Variants in APP observed in about 807,000 individuals in gnomAD.
APP encodes the protein amyloid-beta precursor protein.
A neutral mutation model predicts 101.4 loss-of-function variants in APP; 31 were observed. The ratio of observed to expected loss-of-function variants is 0.31; its 90% CI spans 0.23 to 0.41. The LOEUF (loss-of-function observed/expected upper bound fraction) is 0.41. Among genes scored for constraint, APP ranks in the 10% least tolerant of loss-of-function variants. The pLI, the probability that APP is intolerant of heterozygous loss-of-function variation, is 1.00. For missense variants in APP, 839 were observed against 1,003.7 expected (o/e 0.84, Z 2.22); for synonymous variants, 366 against 364.4 (o/e 1.00, Z -0.05).
At chr21:25,903,368 C>CAA (rs937462787) in intron 15 of APP, among the ~76,000 whole-genome samples, 1,828 of 68,484 alleles carry the variant, frequency 0.027, 49 homozygotes, top group African/African-American at 0.073. Flanking sequence ...GACTCCATCT[C>CAA]AAAAAAAAAA....
In APP at chr21:25,924,718, T is replaced by G. The variant is rs182723800; in HGVS notation, c.1688-12756A>C. 3.8e-3 allele frequency among the ~76,000 whole-genome samples: 574 copies of G among 151,696 alleles called. 4 individuals are homozygous for G. The highest frequency in any genetic ancestry group is 0.013 in the African/African-American group (547 of 41,324). ...GGGTGCAGCAAACCACCAAGGCACATGTATACCTATGTAACAAACCTGCAT... is the reference window on the plus strand; with the variant it reads ...GGGTGCAGCAAACCACCAAGGCACAGGTATACCTATGTAACAAACCTGCAT... On this transcript the variant is annotated intron_variant, in intron 13 of 17. Transcript: ENST00000346798.
chr21:25,990,857 G>A (rs1443791590), intron 8 of APP, among the ~76,000 whole-genome samples: 1 of 152,122 alleles, frequency 6.6e-6, no homozygotes, highest in Non-Finnish European at 1.5e-5. Flanking sequence ...ACCTGGCCTC[G>A]CACATCCTGG....
chr21:26,050,957 G>A (rs759069052), intron 5 of APP, 43 bp downstream of exon 5: 2 of 1,596,862 alleles, frequency 1.3e-6, no homozygotes, highest in Non-Finnish European at 1.7e-6. Flanking sequence ...CTCCATACAA[G>A]ATGTTTCAGC....
At chr21:25,897,532 A>C in intron 16 of APP, 41 bp downstream of exon 16, 2 of 1,472,990 alleles carry the variant, frequency 1.4e-6, no homozygotes, top group Non-Finnish European at 1.9e-6. Flanking sequence ...GTCATTTGGC[A>C]AGACAAACAG....
Position 26,111,087 on chromosome 21 carries a change from T to TAAAAAAAAAAAAAAAAA in APP, c.225+875_225+891dup, listed in dbSNP as rs576900084. On this transcript the variant is annotated intron_variant, in intron 2 of 17. Transcript: ENST00000346798. ...TGATTTCCAGGATACAAAGTTAAGT[T>TAAAAAAAAAAAAAAAAA]AAAAAAAAAAAAAAAAAAAAAAGCA... 4.5e-5 allele frequency among the ~76,000 whole-genome samples: 4 copies of TAAAAAAAAAAAAAAAAA among 88,482 alleles called. 1 individual carries two copies. The highest frequency in any genetic ancestry group is 4.9e-5 in the African/African-American group (1 of 20,586). 58.0% of individuals were successfully genotyped at this position (88,482 alleles called of 152,430 possible).
chr21:26,005,924 T>C (rs1345324314), intron 6 of APP, among the ~76,000 whole-genome samples: 5 of 152,120 alleles, frequency 3.3e-5, no homozygotes, highest in Non-Finnish European at 7.4e-5. Flanking sequence ...ATCTTCAAAA[T>C]GTATACTATA....
At position 26,080,048 on chromosome 21, in the gene APP, C is replaced by T. The variant is rs558935938; in HGVS notation, c.355+9895G>A. ...CTGAGGCAGGAGAATCACTTGAACCCGGGAGGCAGAGGTTGCAGTGAGCCG... is the reference window on the plus strand; with the variant it reads ...CTGAGGCAGGAGAATCACTTGAACCTGGGAGGCAGAGGTTGCAGTGAGCCG... On this transcript the variant is annotated intron_variant, in intron 3 of 17. Coordinates refer to ENST00000346798, the MANE Select transcript of APP (RefSeq NM_000484.4). Among the ~76,000 whole-genome samples the T allele has an allele frequency of 1.5e-4, 23 of 151,486 alleles. No individual in the cohort carries two copies. The East Asian group carries it at 4.1e-3, about 27-fold the overall frequency.
chr21:26,050,500 T>TAACA (rs148953257), intron 5 of APP, among the ~76,000 whole-genome samples: 1,642 of 151,948 alleles, frequency 0.011, 26 homozygotes, highest in African/African-American at 0.038. Flanking sequence ...TAAAAAAAAT[T>TAACA]AACAAGCATT....
chr21:26,161,033 G>T lies in APP; in HGVS notation c.57+9531C>A, dbSNP rs187936321. ...TTCGCAGTTTCTTAAATGTTGAGAA[G>T]GTTGCACAGCTGTTCGAATCTTCAA... On this transcript the variant is annotated intron_variant, in intron 1 of 17. Transcript: ENST00000346798. 5.4e-4 allele frequency among the ~76,000 whole-genome samples: 82 copies of T among 152,264 alleles called. No individual in the cohort carries two copies. The East Asian group carries it at 9.3e-3, about 17-fold the overall frequency.
rs2045736732 is a variant in APP at position 26,049,230 on chromosome 21, G to C, written c.662+1770C>G. Reference sequence around the variant, plus strand: ...TGCAAGAAAGGGAGAGGAGATGATTGAGAGTCCAGCAGAACATAATCATAA... The same window carrying C: ...TGCAAGAAAGGGAGAGGAGATGATTCAGAGTCCAGCAGAACATAATCATAA... On this transcript the variant is annotated intron_variant, in intron 5 of 17. Coordinates refer to ENST00000346798, the MANE Select transcript of APP (RefSeq NM_000484.4). Among the ~76,000 whole-genome samples the C allele has an allele frequency of 2.6e-5, 4 of 152,088 alleles. No individual in the cohort carries two copies. The South Asian group carries it at 8.3e-4, about 32-fold the overall frequency.
intron 14 of APP, 61 bp from the exon 15 acceptor site, chr21:25,905,138 G>T: frequency 7.0e-7 from 1 of 1,431,290 alleles, no homozygotes; most frequent in Non-Finnish European, 9.8e-7. Context: ...GGTAAGTCGT[G>T]GCTCCCAAAC....
chr21:26,073,456 G>A (rs1259016701), intron 3 of APP, among the ~76,000 whole-genome samples: 1 of 151,402 alleles, frequency 6.6e-6, no homozygotes, highest in Non-Finnish European at 1.5e-5. Context: ...CTCATTCCCT[G>A]GAGCTCAAGG....
rs796929039 is a variant in APP at position 26,029,779 on chromosome 21, G to A, written c.663-7737C>T. On this transcript the variant is annotated intron_variant, in intron 5 of 17. Coordinates refer to ENST00000346798, the MANE Select transcript of APP (RefSeq NM_000484.4). ...AAGGGTGGGCTTTGCATTTTTTAAA[G>A]GATTATAAAAAGAAAAGAAAGGGGG... is the stretch of plus-strand genomic sequence containing the variant. 5.9e-5 allele frequency among the ~76,000 whole-genome samples: 9 copies of A among 152,202 alleles called. 1 individual carries two copies. Among genetic ancestry groups the A allele is most frequent in the African/African-American group, 2.2e-4 (9 of 41,534 alleles).
chr21:25,939,449 T>A (rs2146426230), intron 13 of APP, among the ~76,000 whole-genome samples: 1 of 152,374 alleles, frequency 6.6e-6, no homozygotes, highest in South Asian at 2.1e-4. Context: ...ACCTAAAGGA[T>A]CTACTTCACA....
At chr21:25,908,053 G>A (rs553306448) in intron 14 of APP, among the ~76,000 whole-genome samples, 13 of 152,332 alleles carry the variant, frequency 8.5e-5, no homozygotes, top group Admixed American at 4.6e-4. Flanking sequence ...ACAAAGACTT[G>A]CTGGCAGTCA....
chr21:26,120,490 G>T (rs570905397), intron 1 of APP, among the ~76,000 whole-genome samples: 311 of 152,206 alleles, frequency 2.0e-3, no homozygotes, highest in South Asian at 0.012. Context: ...TGTAAGGTAG[G>T]ATCAGTTATG....
chr21:25,991,292 C>T (rs898315354), intron 8 of APP, among the ~76,000 whole-genome samples: 2 of 151,792 alleles, frequency 1.3e-5, no homozygotes, highest in African/African-American at 2.4e-5. Context: ...ACTAAAACCA[C>T]TTGTATCCCC....
chr21:25,954,717 C>A, intron 12 of APP, 28 bp from the exon 13 acceptor site: 1 of 1,551,216 alleles, frequency 6.4e-7, no homozygotes, highest in Non-Finnish European at 8.9e-7. Flanking sequence ...AACTCCAGGT[C>A]AACAATGTCT....
chr21:25,895,142 C>T (rs1011643258), intron 16 of APP, among the ~76,000 whole-genome samples: 2 of 149,896 alleles, frequency 1.3e-5, no homozygotes, highest in African/African-American at 4.9e-5. Flanking sequence ...TGCTATTGCA[C>T]ATGTAACAGA....
Sources: gnomAD v4.1 joint callset for allele counts (sites outside exome capture counted in the v4.1 genomes callset) on GRCh38, gnomAD v4.1.1 for gene constraint, MANE v1.5 for transcripts, NCBI Gene and HGNC (gene_info 2026-07-23, HGNC 2026-07-21) for gene names.